The following PICALM variants were observed in gnomAD, a reference collection of about 807,000 sequenced individuals.
The protein encoded by PICALM is phosphatidylinositol binding clathrin assembly protein.
A neutral mutation model predicts 80.5 loss-of-function variants in PICALM; 40 were observed. That is an observed-to-expected ratio of 0.50 (90% CI 0.39 to 0.65). The LOEUF (loss-of-function observed/expected upper bound fraction) is 0.65, where lower values mean the gene tolerates loss of function less well. Among genes scored for constraint, PICALM ranks in the 30% least tolerant of loss-of-function variants. PICALM has a pLI of 0.00. For missense variants in PICALM, 676 were observed against 778.9 expected (o/e 0.87, Z 1.57); for synonymous variants, 288 against 260.3 (o/e 1.11, Z -1.02).
chr11:86,029,184 T>A (rs1041880179), intron 2 of PICALM, among the ~76,000 whole-genome samples: 1 of 152,058 alleles, frequency 6.6e-6, no homozygotes, highest in Non-Finnish European at 1.5e-5. Flanking sequence ...CCCTGGCCTT[T>A]ACCTACTATA....
intron 17 of PICALM, chr11:85,978,225 T>A: frequency 1.4e-6 from 1 of 737,190 alleles, no homozygotes; most frequent in Non-Finnish European, 2.4e-6. Flanking sequence ...ATCCCTTGTA[T>A]TTCCAGTATC....
chr11:85,981,941 C>A lies in PICALM; in HGVS notation c.1579G>T (p.Val527Phe), dbSNP rs1001132411. ...TVASQNQNLP[V>F]AKLPPSKLVS... ...AACTTGCTAGGTGGGAGTTTGGCAA[C>A]AGGAAGGTTCTGGTTCTGAGAGGCC... Residue 527 changes from valine (V) to phenylalanine (F), a missense_variant, in exon 15 of 20, where the codon GTT (valine) becomes TTT (phenylalanine). Val to Phe is a conservative substitution (Grantham distance 50). Around this residue, in one of 2 missense-constraint regions of PICALM, gnomAD observed 391 missense variants for 383.6 expected, o/e 1.02. Transcript: ENST00000393346. 6.2e-7 allele frequency: 1 copy of A among 1,613,156 alleles called. No individual in the cohort carries two copies. Among genetic ancestry groups the A allele is most frequent in the East Asian group, 2.2e-5 (1 of 44,888 alleles).
At chr11:85,987,340 A>G (rs1239243923) in intron 13 of PICALM, among the ~76,000 whole-genome samples, 1 of 152,198 alleles carries the variant, frequency 6.6e-6, no homozygotes, top group Non-Finnish European at 1.5e-5. Flanking sequence ...TGATTCTAGA[A>G]TCTATTAGGG....
chr11:85,960,136 AT>A lies in PICALM; in HGVS notation c.1945-1077del, dbSNP rs955735526. On this transcript the variant is annotated intron_variant, in intron 19 of 19. Transcript: ENST00000393346. Reference sequence around the variant, plus strand: ...AAGAACCTGAAAGAGCCATAAAAATATTTTTCAATAGGGTACTACTGTTCAT... The same window carrying A: ...AAGAACCTGAAAGAGCCATAAAAATATTTTCAATAGGGTACTACTGTTCAT... Among the ~76,000 whole-genome samples the A allele has an allele frequency of 3.3e-5, 5 of 152,270 alleles. No individual in the cohort carries two copies. The East Asian group carries it at 9.6e-4, about 29-fold the overall frequency.
intron 8 of PICALM, among the ~76,000 whole-genome samples, chr11:86,005,736 T>C (rs2095262336): frequency 7.0e-6 from 1 of 142,272 alleles, no homozygotes; most frequent in Admixed American, 7.1e-5. Context: ...ACCCAAAGAG[T>C]GAAGAAAATG....
chr11:86,065,622 A>G (rs1593563225), intron 1 of PICALM, among the ~76,000 whole-genome samples: 1 of 152,164 alleles, frequency 6.6e-6, no homozygotes, highest in East Asian at 1.9e-4. Flanking sequence ...TTCTTCAAAT[A>G]TAAGGGCTGC....
chr11:85,976,453 A>G lies in PICALM; in HGVS notation c.1839+170T>C, dbSNP rs189984423. 1.9e-3 allele frequency among the ~76,000 whole-genome samples: 282 copies of G among 152,360 alleles called. 1 individual carries two copies. Among genetic ancestry groups the G allele is most frequent in the African/African-American group, 6.4e-3 (265 of 41,588 alleles). On this transcript the variant is annotated intron_variant, in intron 18 of 19. Coordinates refer to ENST00000393346, the MANE Select transcript of PICALM (RefSeq NM_007166.4). ...ATTAATGCATAAGATCTCTTGTATA[A>G]TGATTATTCTAGACATACTTATGAA...
intron 1 of PICALM, among the ~76,000 whole-genome samples, chr11:86,037,008 T>G (rs1041197075): frequency 1.6e-4 from 24 of 151,426 alleles, no homozygotes. Flanking sequence ...GTGCATGGCG[T>G]GATCTCGGCT....
intron 3 of PICALM, among the ~76,000 whole-genome samples, chr11:86,025,841 G>A (rs1188247052): frequency 1.3e-5 from 2 of 152,186 alleles, no homozygotes; most frequent in Admixed American, 1.3e-4. Flanking sequence ...TAACAGGCAT[G>A]AGCCACCGTA....
chr11:85,979,682 CCTA>C (rs1366406701), intron 17 of PICALM, among the ~76,000 whole-genome samples: 1 of 152,056 alleles, frequency 6.6e-6, no homozygotes, highest in Non-Finnish European at 1.5e-5. Flanking sequence ...TTAGCTCAGT[CCTA>C]CTAATTTTAA....
chr11:85,986,711 A>T (rs887743400), intron 13 of PICALM, among the ~76,000 whole-genome samples: 1 of 152,172 alleles, frequency 6.6e-6, no homozygotes, highest in Non-Finnish European at 1.5e-5. Context: ...TTAATTTTTA[A>T]AAGTTATTTA....
chr11:85,960,456 A>T (rs2093651795), intron 19 of PICALM, among the ~76,000 whole-genome samples: 1 of 152,210 alleles, frequency 6.6e-6, no homozygotes, highest in Non-Finnish European at 1.5e-5. Flanking sequence ...GCAGTGGATG[A>T]GATTACTTTA....
chr11:85,993,676 T>G (rs528053122), intron 12 of PICALM, among the ~76,000 whole-genome samples: 1 of 151,926 alleles, frequency 6.6e-6, no homozygotes, highest in South Asian at 2.1e-4. Flanking sequence ...TGACGTCAAA[T>G]GATCCACCCA....
intron 13 of PICALM, among the ~76,000 whole-genome samples, chr11:85,987,510 G>C (rs2094610260): frequency 1.3e-5 from 2 of 152,076 alleles, no homozygotes; most frequent in Non-Finnish European, 2.9e-5. Flanking sequence ...AATAATCTTT[G>C]GCAATTTTAA....
intron 1 of PICALM, among the ~76,000 whole-genome samples, chr11:86,066,412 G>A (rs529942619): frequency 1.3e-5 from 2 of 152,118 alleles, no homozygotes; most frequent in African/African-American, 4.8e-5. Flanking sequence ...TTCCAAAAAC[G>A]TGGGAGCTTG....
chr11:86,049,172 T>C (rs575046855), intron 1 of PICALM, among the ~76,000 whole-genome samples: 4 of 152,196 alleles, frequency 2.6e-5, no homozygotes, highest in African/African-American at 7.2e-5. Context: ...TGCACACCTA[T>C]AATCCCAACT....
chr11:85,968,947 A>AACACACAC (rs57641869), intron 19 of PICALM, among the ~76,000 whole-genome samples: 52 of 144,114 alleles, frequency 3.6e-4, no homozygotes, highest in African/African-American at 1.0e-3. Context: ...AAAATGACTC[A>AACACACAC]ACACACACAC....
intron 4 of PICALM, among the ~76,000 whole-genome samples, chr11:86,019,643 A>T (rs557422008): frequency 3.3e-5 from 5 of 152,352 alleles, no homozygotes; most frequent in African/African-American, 1.2e-4. Context: ...TCTCCACCAT[A>T]ATCTTCTACA....
At chr11:85,961,410 G>A (rs902323102) in intron 19 of PICALM, among the ~76,000 whole-genome samples, 2 of 151,998 alleles carry the variant, frequency 1.3e-5, no homozygotes, top group African/African-American at 4.8e-5. Flanking sequence ...CTGAATATGG[G>A]GAATACTTAA....
Sources: gnomAD v4.1 joint callset for allele counts (sites outside exome capture counted in the v4.1 genomes callset) on GRCh38, gnomAD v4.1.1 for gene constraint, gnomAD v4.1.1 regional missense constraint, MANE v1.5 for transcripts, NCBI Gene and HGNC (gene_info 2026-07-23, HGNC 2026-07-21) for gene names.